GTPBP10: variants seen among roughly 807,000 people sequenced by gnomAD.
The protein encoded by GTPBP10 is GTP binding protein 10.
GTPBP10 carries 38 observed loss-of-function variants against 44.8 expected under a neutral mutation model. The observed-to-expected ratio is 0.85, with a 90% CI of 0.65 to 1.11. The LOEUF (loss-of-function observed/expected upper bound fraction) is 1.11. GTPBP10 is among the 50% of genes most tolerant of loss of function. The pLI is 0.00. For missense variants in GTPBP10, 462 were observed against 453.7 expected, an observed-to-expected ratio of 1.02 and a Z score of -0.17; for synonymous variants, 152 against 150.6, an observed-to-expected ratio of 1.01 and a Z score of -0.07.
chr7:90,366,776 CTCTA>C (rs1796143800), intron 4 of GTPBP10, among the ~76,000 whole-genome samples: 1 of 148,624 alleles, frequency 6.7e-6, no homozygotes. Flanking sequence ...TATTTTGTGT[CTCTA>C]TCTCTGTCAT....
intron 4 of GTPBP10, among the ~76,000 whole-genome samples, chr7:90,370,831 C>G (rs994881979): frequency 2.6e-5 from 4 of 151,920 alleles, no homozygotes; most frequent in Admixed American, 6.6e-5. Flanking sequence ...TGGTGAAACC[C>G]CATCTCTACT....
intron 4 of GTPBP10, among the ~76,000 whole-genome samples, chr7:90,357,485 A>G (rs1795926336): frequency 6.6e-6 from 1 of 152,170 alleles, no homozygotes; most frequent in Admixed American, 6.5e-5. Flanking sequence ...TCATGACAGA[A>G]AGATTTTTTT....
intron 2 of GTPBP10, chr7:90,353,252 C>A: frequency 3.1e-6 from 1 of 320,128 alleles, no homozygotes; most frequent in Non-Finnish European, 5.7e-6. Context: ...TGCACTTCCC[C>A]TGTAGAAACC....
At chr7:90,366,719 CAAA>C (rs57926111) in intron 4 of GTPBP10, among the ~76,000 whole-genome samples, 2 of 138,416 alleles carry the variant, frequency 1.4e-5, no homozygotes, top group African/African-American at 2.6e-5. Context: ...TAGATTCTTT[CAAA>C]AAAAAAAAAA....
chr7:90,372,704 T>C (rs1345281925), intron 5 of GTPBP10, among the ~76,000 whole-genome samples: 1 of 152,148 alleles, frequency 6.6e-6, no homozygotes, highest in Non-Finnish European at 1.5e-5. Context: ...TTTATTTTTC[T>C]GTCACAGAAT....
rs1243182372 is a variant in GTPBP10 at position 90,390,072 on chromosome 7, T to A, written c.*4918T>A. 1.3e-5 allele frequency: 2 copies of A among 152,250 alleles called. No individual in the cohort carries two copies. Among genetic ancestry groups the A allele is most frequent in the Non-Finnish European group, 2.9e-5 (2 of 68,068 alleles). The allele number at this position is 152,250 out of a possible 1,614,324, so 9.4% of individuals were successfully genotyped here. A position where few individuals can be genotyped will look rare whatever the true frequency, so the allele number is the denominator to read the frequency against. ...TCTGAAAGTGCTAGGATTATAGGCA[T>A]GAGCCATTTATGCCCAGCCAGTTTT... On this transcript the variant is annotated 3_prime_UTR_variant, in exon 10 of 10. Transcript: ENST00000222511.
chr7:90,352,011 A>C (rs948158520), intron 1 of GTPBP10, among the ~76,000 whole-genome samples: 2 of 152,138 alleles, frequency 1.3e-5, no homozygotes, highest in African/African-American at 4.8e-5. Flanking sequence ...GCATTTTTTT[A>C]ATGCATGGTT....
In GTPBP10 at chr7:90,391,168, C is replaced by T. The variant is rs926309787; in HGVS notation, c.*6014C>T. On this transcript the variant is annotated 3_prime_UTR_variant, in exon 10 of 10. Transcript: ENST00000222511. ...AATGAGCACACATGACCTTCCTTTCCTATAAAAATATGAAGCAGAAAACTC... is the reference window on the plus strand; with the variant it reads ...AATGAGCACACATGACCTTCCTTTCTTATAAAAATATGAAGCAGAAAACTC... 8 of 152,234 alleles carry T rather than the reference C, an allele frequency of 5.3e-5. No homozygotes were observed. The highest frequency in any genetic ancestry group is 1.7e-4 in the African/African-American group (7 of 41,540). The allele number at this position is 152,234 out of a possible 1,614,324, so 9.4% of individuals were successfully genotyped here. A position where few individuals can be genotyped will look rare whatever the true frequency, so the allele number is the denominator to read the frequency against.
At chr7:90,363,774 A>G (rs1796075581) in intron 4 of GTPBP10, among the ~76,000 whole-genome samples, 2 of 152,142 alleles carry the variant, frequency 1.3e-5, no homozygotes, top group Non-Finnish European at 2.9e-5. Context: ...AGGTACACCA[A>G]TCAGACGTAG....
At chr7:90,356,788 G>C (rs1257894598) in intron 4 of GTPBP10, among the ~76,000 whole-genome samples, 2 of 152,024 alleles carry the variant, frequency 1.3e-5, no homozygotes, top group African/African-American at 4.8e-5. Context: ...TACATGCTTT[G>C]CATTTTTGTA....
chr7:90,367,753 T>C (rs1048324410), intron 4 of GTPBP10, among the ~76,000 whole-genome samples: 1 of 152,228 alleles, frequency 6.6e-6, no homozygotes, highest in African/African-American at 2.4e-5. Context: ...ATCTGTGTCT[T>C]TTAATTGGGG....
chr7:90,360,101 C>G (rs978412371), intron 4 of GTPBP10, among the ~76,000 whole-genome samples: 2 of 152,006 alleles, frequency 1.3e-5, no homozygotes, highest in African/African-American at 2.4e-5. Context: ...CCTGTTCACT[C>G]CGATGGTAGT....
rs972002666 is a variant in GTPBP10, at chr7:90,387,717, A to G, written c.*2563A>G. ...ATGTTGAAGAGAACAGACAGGACCT[A>G]CTGTCCTTGTATATCTTGCCTTTGA... is the stretch of plus-strand genomic sequence containing the variant. On this transcript the variant is annotated 3_prime_UTR_variant, in exon 10 of 10. Coordinates refer to ENST00000222511, the MANE Select transcript of GTPBP10 (RefSeq NM_033107.4). The G allele has an allele frequency of 6.6e-6, 1 of 152,246 alleles. No homozygotes were observed. The highest frequency in any genetic ancestry group is 2.4e-5 in the African/African-American group (1 of 41,462). The allele number at this position is 152,246 out of a possible 1,614,324, so 9.4% of individuals were successfully genotyped here.
At chr7:90,346,809 C>G in intron 1 of GTPBP10, 35 bp downstream of exon 1, 1 of 1,603,056 alleles carries the variant, frequency 6.2e-7, no homozygotes. Flanking sequence ...GTCCCCTTAG[C>G]GCTGACAGCT....
At chr7:90,365,248 T>C (rs927758812) in intron 4 of GTPBP10, among the ~76,000 whole-genome samples, 2 of 151,872 alleles carry the variant, frequency 1.3e-5, no homozygotes, top group African/African-American at 4.8e-5. Flanking sequence ...ACTGGAGCCA[T>C]TTCTATTTGG....
chr7:90,352,258 GTTACT>G (rs992818031), intron 1 of GTPBP10, among the ~76,000 whole-genome samples: 1 of 152,118 alleles, frequency 6.6e-6, no homozygotes, highest in African/African-American at 2.4e-5. Flanking sequence ...CCATGGTTCT[GTTACT>G]TTAGAGAACA....
intron 1 of GTPBP10, among the ~76,000 whole-genome samples, chr7:90,347,185 T>C (rs189187054): frequency 9.2e-5 from 14 of 152,344 alleles, no homozygotes; most frequent in African/African-American, 2.9e-4. Flanking sequence ...GTGTAATTGA[T>C]GTGCCTTCCT....
At chr7:90,366,403 G>A (rs1046892058) in intron 4 of GTPBP10, among the ~76,000 whole-genome samples, 3 of 152,096 alleles carry the variant, frequency 2.0e-5, no homozygotes, top group South Asian at 2.1e-4. Context: ...AATCCACCTC[G>A]TCCTGGACTT....
chr7:90,371,005 C>CAATAAATA (rs1397627574), intron 4 of GTPBP10, among the ~76,000 whole-genome samples: 7 of 89,952 alleles, frequency 7.8e-5, no homozygotes, highest in Admixed American at 1.4e-4. Flanking sequence ...GACTCCATCT[C>CAATAAATA]AATAGATAAA....
Sources: allele counts gnomAD v4.1 joint callset (sites outside exome capture counted in the v4.1 genomes callset), GRCh38; gene constraint gnomAD v4.1.1; transcripts MANE v1.5; gene names NCBI Gene and HGNC (gene_info 2026-07-23, HGNC 2026-07-21).